CFAP54: variants seen among roughly 807,000 people sequenced by gnomAD.
CFAP54 encodes cilia- and flagella-associated protein 54.
A neutral mutation model predicts 370.4 loss-of-function variants in CFAP54; 290 were observed. The ratio of observed to expected loss-of-function variants is 0.78; its 90% CI spans 0.71 to 0.86. The LOEUF (loss-of-function observed/expected upper bound fraction) is 0.86. Among genes scored for constraint, CFAP54 ranks in the 40% least tolerant of loss-of-function variants. The pLI is 0.00. For synonymous variants in CFAP54, 1,206 were observed against 1,236.5 expected, an observed-to-expected ratio of 0.98 and a Z score of 0.52; for missense variants, 3,399 against 3,528.7, an observed-to-expected ratio of 0.96 and a Z score of 0.93.
intron 6 of CFAP54, among the ~76,000 whole-genome samples, chr12:96,520,674 C>T (rs1955298459): frequency 6.6e-6 from 1 of 152,146 alleles, no homozygotes; most frequent in Non-Finnish European, 1.5e-5. Flanking sequence ...GAAATAAGCA[C>T]CCCTTCCTTT....
At chr12:96,554,893 T>C (rs893037613) in intron 17 of CFAP54, 91 bp downstream of exon 17, 26 of 1,223,800 alleles carry the variant, frequency 2.1e-5, no homozygotes, top group South Asian at 2.8e-5. Context: ...TGTGTTCTTG[T>C]TGACTTAAGT....
At chr12:96,551,163 TGGGA>T (rs1023589091) in intron 15 of CFAP54, among the ~76,000 whole-genome samples, 8 of 116,068 alleles carry the variant, frequency 6.9e-5, no homozygotes, top group African/African-American at 3.0e-4. Context: ...CCTAGCTACT[TGGGA>T]GGATCGCCTG....
Position 96,811,853 on chromosome 12 carries a change from A to G in CFAP54, c.8957+11A>G. 7.2e-7 allele frequency: 1 copy of G among 1,387,364 alleles called. No homozygotes were observed. The highest frequency in any genetic ancestry group is 9.6e-7 in the Non-Finnish European group (1 of 1,037,296). 85.9% of individuals were successfully genotyped at this position (1,387,364 alleles called of 1,614,324 possible). A position where few individuals can be genotyped will look rare whatever the true frequency, so the allele number is the denominator to read the frequency against. ...GATTCCACTGAATAGGCAAGTAAAA[A>G]TTCCACAACTCGAATTGTCTTTGTT... On this transcript the variant is annotated intron_variant, in intron 64 of 67. Coordinates refer to ENST00000524981, the MANE Select transcript of CFAP54 (RefSeq NM_001306084.2).
intron 3 of CFAP54, among the ~76,000 whole-genome samples, chr12:96,504,357 A>G (rs891975329): frequency 1.3e-5 from 2 of 151,814 alleles, no homozygotes. Flanking sequence ...TATTATCCCT[A>G]TTTTACAGAA....
intron 8 of CFAP54, among the ~76,000 whole-genome samples, chr12:96,526,395 CTTAGAG>C (rs910795921): frequency 1.3e-5 from 2 of 152,200 alleles, no homozygotes; most frequent in African/African-American, 4.8e-5. Flanking sequence ...TCAATTCTTT[CTTAGAG>C]TTAATTACCA....
intron 39 of CFAP54, among the ~76,000 whole-genome samples, chr12:96,670,222 A>G (rs1044416327): frequency 6.6e-6 from 1 of 152,194 alleles, no homozygotes; most frequent in East Asian, 1.9e-4. Context: ...TTGCTAGACC[A>G]TATGTACATA....
At chr12:96,786,527 T>G (rs1958630550) in intron 61 of CFAP54, 148 bp from the exon 62 acceptor site, 4 of 626,696 alleles carry the variant, frequency 6.4e-6, no homozygotes, top group South Asian at 2.1e-5. Context: ...CATTAGTGTA[T>G]AAGCTCTAAA....
At chr12:96,559,654 A>G (rs1955795262) in intron 17 of CFAP54, among the ~76,000 whole-genome samples, 1 of 152,128 alleles carries the variant, frequency 6.6e-6, no homozygotes. Context: ...ATATCATATT[A>G]TGTATGTGTA....
chr12:96,592,720 T>C, intron 24 of CFAP54, 83 bp downstream of exon 24: 1 of 427,128 alleles, frequency 2.3e-6, no homozygotes, highest in Non-Finnish European at 4.0e-6. Flanking sequence ...TTTTGAGTGA[T>C]TGCATAGCTT....
At chr12:96,505,959 A>T (rs571143185) in intron 3 of CFAP54, among the ~76,000 whole-genome samples, 6 of 152,118 alleles carry the variant, frequency 3.9e-5, no homozygotes, top group Non-Finnish European at 8.8e-5. Flanking sequence ...TGCTCAAGAA[A>T]CATTTGTTGA....
At chr12:96,518,851 A>T in intron 5 of CFAP54, 77 bp from the exon 6 acceptor site, 1 of 1,287,180 alleles carries the variant, frequency 7.8e-7, no homozygotes, top group Non-Finnish European at 1.0e-6. Context: ...CACAACTTAG[A>T]ATTTGATTAT....
chr12:96,713,751 T>A (rs1468862911), intron 48 of CFAP54, among the ~76,000 whole-genome samples: 3 of 152,032 alleles, frequency 2.0e-5, no homozygotes, highest in African/African-American at 7.2e-5. Context: ...CAGATGATAC[T>A]TGAGCACAGG....
chr12:96,495,692 T>C (rs1954944912), intron 1 of CFAP54, among the ~76,000 whole-genome samples: 1 of 152,080 alleles, frequency 6.6e-6, no homozygotes, highest in Admixed American at 6.6e-5. Flanking sequence ...CATTTTCTTC[T>C]CAAATGATGT....
intron 66 of CFAP54, among the ~76,000 whole-genome samples, chr12:96,857,408 C>A (rs1288082273): frequency 6.6e-6 from 1 of 152,024 alleles, no homozygotes; most frequent in Non-Finnish European, 1.5e-5. Flanking sequence ...TCTGTTCCTG[C>A]GTTAGTTTGC....
chr12:96,824,900 G>A (rs140925805), intron 65 of CFAP54, among the ~76,000 whole-genome samples: 13 of 151,944 alleles, frequency 8.6e-5, no homozygotes, highest in African/African-American at 3.1e-4. Flanking sequence ...TACATGACCT[G>A]TTAAAAATTT....
Position 96,663,868 on chromosome 12 carries a change from T to C in CFAP54, c.5499T>C (p.Ile1833=). 6.2e-7 allele frequency: 1 copy of C among 1,613,420 alleles called. No individual in the cohort carries two copies. Among genetic ancestry groups the C allele is most frequent in the Non-Finnish European group, 8.5e-7 (1 of 1,179,650 alleles). Residue 1833 remains isoleucine (I), a synonymous_variant, in exon 39 of 68, where the codon ATT becomes ATC. Coordinates refer to ENST00000524981, the MANE Select transcript of CFAP54 (RefSeq NM_001306084.2). ...CRNFIGKQLK[I]NSSTIEATSN... ...ATTTCATTGGGAAGCAGCTTAAGATTAATTCTTCAACCATTGAAGCAACAA... is the reference window on the plus strand; with the variant it reads ...ATTTCATTGGGAAGCAGCTTAAGATCAATTCTTCAACCATTGAAGCAACAA...
chr12:96,644,305 G>A lies in CFAP54; in HGVS notation c.4444G>A (p.Ala1482Thr). The A allele has an allele frequency of 6.5e-7, 1 of 1,535,902 alleles. No homozygotes were observed. Among genetic ancestry groups the A allele is most frequent in the Non-Finnish European group, 8.7e-7 (1 of 1,146,750 alleles). Residue 1482 changes from alanine (A) to threonine (T), a missense_variant, in exon 33 of 68, where the codon GCT becomes ACT. Physicochemically the swap from Ala to Thr is moderately conservative, Grantham distance 58. Around this residue, in one of 3 missense-constraint regions of CFAP54, gnomAD observed 2,796 missense variants for 2,869.7 expected, o/e 0.97. Transcript: ENST00000524981. ...ATCACTTGAAGAGATGCCCTGGAGA[G>A]CTCAGATGAACCTGTATCTAGCAGG... ...RLSLEEMPWR[A>T]QMNLYLAGAH...
intron 14 of CFAP54, among the ~76,000 whole-genome samples, chr12:96,544,398 A>T: frequency 6.9e-6 from 1 of 145,456 alleles, no homozygotes; most frequent in African/African-American, 2.6e-5. Context: ...AGCAGTCCTC[A>T]GAAAACAGAA....
At chr12:96,590,116 C>T (rs1956111194) in intron 23 of CFAP54, among the ~76,000 whole-genome samples, 1 of 152,160 alleles carries the variant, frequency 6.6e-6, no homozygotes, top group African/African-American at 2.4e-5. Flanking sequence ...AATAAAAATA[C>T]CAACTACAAA....
Sources: allele counts gnomAD v4.1 joint callset (sites outside exome capture counted in the v4.1 genomes callset), GRCh38; gene constraint gnomAD v4.1.1; regional missense constraint gnomAD v4.1.1; transcripts MANE v1.5; gene names NCBI Gene and HGNC (gene_info 2026-07-23, HGNC 2026-07-21).